The following CCDC73 variants were observed in gnomAD, a reference collection of about 807,000 sequenced individuals.
CCDC73 encodes coiled-coil domain containing 73.
In CCDC73, 95 loss-of-function variants were observed where a neutral mutation model predicts 116.5. The observed-to-expected ratio is 0.82, with a 90% CI of 0.69 to 0.97. CCDC73 has a LOEUF of 0.97. Among genes scored for constraint, CCDC73 ranks in the 50% least tolerant of loss-of-function variants. The pLI is 0.00. For missense variants in CCDC73, 1,066 were observed against 1,206.8 expected (o/e 0.88, Z 1.73); for synonymous variants, 398 against 401.3 (o/e 0.99, Z 0.10).
intron 9 of CCDC73, among the ~76,000 whole-genome samples, chr11:32,666,084 C>A (rs971698827): frequency 6.6e-6 from 1 of 152,190 alleles, no homozygotes; most frequent in Non-Finnish European, 1.5e-5. Context: ...TCTCTGGCTG[C>A]CCTTAACATT....
intron 2 of CCDC73, among the ~76,000 whole-genome samples, chr11:32,738,809 C>A (rs1186597893): frequency 1.3e-5 from 2 of 152,016 alleles, no homozygotes; most frequent in Non-Finnish European, 2.9e-5. Flanking sequence ...CCAATATTTT[C>A]TTTTAGTAAT....
At chr11:32,796,839 G>C (rs573227906), upstream of CCDC73, among the ~76,000 whole-genome samples, 1 of 151,642 alleles carries the variant, frequency 6.6e-6, no homozygotes, top group East Asian at 1.9e-4. Context: ...GAGAAACCCC[G>C]TCTCTACAAA....
At chr11:32,790,195 A>G (rs1405187490) in intron 1 of CCDC73, among the ~76,000 whole-genome samples, 1 of 152,206 alleles carries the variant, frequency 6.6e-6, no homozygotes, top group African/African-American at 2.4e-5. Context: ...ACCATCACAT[A>G]TTCTGCTCTA....
At chr11:32,737,857 A>C (rs1850149378) in intron 2 of CCDC73, among the ~76,000 whole-genome samples, 1 of 151,624 alleles carries the variant, frequency 6.6e-6, no homozygotes, top group South Asian at 2.1e-4. Flanking sequence ...TACCCTTCCC[A>C]GCCTCTAGTA....
chr11:32,666,727 G>C (rs758647328), intron 9 of CCDC73, among the ~76,000 whole-genome samples: 1 of 152,244 alleles, frequency 6.6e-6, no homozygotes, highest in African/African-American at 2.4e-5. Context: ...TGGAGGGGGA[G>C]AGGTACTCTG....
chr11:32,810,285 G>C, the CCDC73 span, among the ~76,000 whole-genome samples: 1 of 152,096 alleles, frequency 6.6e-6, no homozygotes, highest in East Asian at 1.9e-4. Flanking sequence ...ACTGTCTTCA[G>C]CTTTTCCAAA....
At chr11:32,711,808 G>C (rs555854161) in intron 3 of CCDC73, among the ~76,000 whole-genome samples, 1 of 152,100 alleles carries the variant, frequency 6.6e-6, no homozygotes, top group Non-Finnish European at 1.5e-5. Flanking sequence ...TGGGTCTTCC[G>C]ATTGTCATAA....
At chr11:32,683,507 G>C (rs370660513) in intron 7 of CCDC73, 29 bp downstream of exon 7, 1 of 1,432,896 alleles carries the variant, frequency 7.0e-7, no homozygotes. Flanking sequence ...AATCCAGATG[G>C]GGGAAAATAT....
chr11:32,677,943 A>G (rs1192885439), intron 7 of CCDC73, among the ~76,000 whole-genome samples: 68 of 124,842 alleles, frequency 5.4e-4, no homozygotes, highest in Admixed American at 3.5e-3. Context: ...ACAAAAGAGC[A>G]AGATTCCATC....
the CCDC73 span, among the ~76,000 whole-genome samples, chr11:32,818,709 G>T: frequency 6.6e-6 from 1 of 151,170 alleles, no homozygotes; most frequent in Non-Finnish European, 1.5e-5. Context: ...TCCACACAAT[G>T]GATTATTATT....
At chr11:32,634,465 C>T (rs1183863119) in intron 14 of CCDC73, among the ~76,000 whole-genome samples, 3 of 152,160 alleles carry the variant, frequency 2.0e-5, no homozygotes, top group African/African-American at 7.2e-5. Context: ...ATGATAAAAA[C>T]TCATTTGTGA....
At position 32,614,078 on chromosome 11, in the gene CCDC73, G is replaced by C. The variant is rs774247652; in HGVS notation, c.2240C>G (p.Thr747Ser). 6.2e-7 allele frequency: 1 copy of C among 1,613,268 alleles called. No individual in the cohort carries two copies. Among genetic ancestry groups the C allele is most frequent in the Non-Finnish European group, 8.5e-7 (1 of 1,179,884 alleles). The change falls in exon 16 of 18, where the codon ACT becomes AGT. Residue 747 changes from threonine to serine, a missense_variant. By Grantham distance (58) the Thr-to-Ser change is moderately conservative. Coordinates refer to ENST00000335185, the MANE Select transcript of CCDC73 (RefSeq NM_001008391.4). ...VKPNSSPGGK[T>S]MCKNMSDMQN... ...CATATCACTCATATTTTTACACATA[G>C]TTTTTCCCCCAGGGCTTGAGTTAGG...
At chr11:32,690,995 A>T (rs1856252262) in intron 6 of CCDC73, among the ~76,000 whole-genome samples, 1 of 151,980 alleles carries the variant, frequency 6.6e-6, no homozygotes, top group Non-Finnish European at 1.5e-5. Flanking sequence ...TGCCCTAAAA[A>T]ACTTCTGTAC....
intron 1 of CCDC73, among the ~76,000 whole-genome samples, chr11:32,788,983 T>G (rs1850650438): frequency 6.6e-6 from 1 of 152,174 alleles, no homozygotes; most frequent in Non-Finnish European, 1.5e-5. Flanking sequence ...TAAGTTTAAT[T>G]TTTATATTGT....
At chr11:32,825,119 C>T in the CCDC73 span, among the ~76,000 whole-genome samples, 1 of 152,052 alleles carries the variant, frequency 6.6e-6, no homozygotes. Context: ...TCTCAGTTTA[C>T]ACTTCATTCA....
intron 1 of CCDC73, among the ~76,000 whole-genome samples, chr11:32,777,330 C>A (rs1321071588): frequency 6.6e-6 from 1 of 151,978 alleles, no homozygotes; most frequent in African/African-American, 2.4e-5. Flanking sequence ...GTCTTGAACT[C>A]CTGACCTCAA....
At position 32,629,921 on chromosome 11, in the gene CCDC73, C is replaced by CAAAAAAAAAAAAAAAAA. The variant is rs367693675; in HGVS notation, c.1185+5774_1185+5775insTTTTTTTTTTTTTTTTT. ...GCTGGAAAGAATTCCAGCAGATATGCAAAAAAAAAAAAACAAAAAAAAAAC... is the reference window on the plus strand; with the variant it reads ...GCTGGAAAGAATTCCAGCAGATATGCAAAAAAAAAAAAAAAAAAAAAAAAAAAAAACAAAAAAAAAAC... On this transcript the variant is annotated intron_variant, in intron 14 of 17. Transcript: ENST00000335185. Among the ~76,000 whole-genome samples, 15 of 55,700 alleles carry CAAAAAAAAAAAAAAAAA rather than the reference C, an allele frequency of 2.7e-4. 1 individual carries two copies. The highest frequency in any genetic ancestry group is 4.0e-4 in the Non-Finnish European group (10 of 24,696). 36.5% of individuals were successfully genotyped at this position (55,700 alleles called of 152,430 possible). A position where few individuals can be genotyped will look rare whatever the true frequency, so the allele number is the denominator to read the frequency against.
At chr11:32,823,527 A>T in the CCDC73 span, among the ~76,000 whole-genome samples, 1 of 152,072 alleles carries the variant, frequency 6.6e-6, no homozygotes, top group East Asian at 1.9e-4. Context: ...AATAAAAAAA[A>T]TTTGAGGCAG....
the CCDC73 span, among the ~76,000 whole-genome samples, chr11:32,819,471 T>TG: frequency 6.6e-5 from 10 of 151,202 alleles, no homozygotes; most frequent in East Asian, 1.8e-3. Context: ...TAAGAGGTTT[T>TG]TTTTTTTTTT....
Sources: allele counts gnomAD v4.1 joint callset (sites outside exome capture counted in the v4.1 genomes callset), GRCh38; gene constraint gnomAD v4.1.1; transcripts MANE v1.5; gene names NCBI Gene and HGNC (gene_info 2026-07-23, HGNC 2026-07-21).